The following SVOP variants were observed in gnomAD, a reference collection of about 807,000 sequenced individuals.
SVOP encodes the protein SV2 related protein, also known as synaptic vesicle 2-related protein.
SVOP carries 17 observed loss-of-function variants against 69.1 expected under a neutral mutation model. The ratio of observed to expected loss-of-function variants is 0.25; its 90% CI spans 0.17 to 0.37. SVOP has a LOEUF of 0.37. SVOP is among the 10% of genes least tolerant of loss of function. The probability of loss-of-function intolerance (pLI) is 1.00; values close to 1 mark genes in which losing one functional copy is unlikely to be tolerated. For synonymous variants in SVOP, 238 were observed against 238.6 expected (o/e 1.00, Z 0.02); for missense variants, 435 against 597.5 (o/e 0.73, Z 2.84).
rs574945111 is a variant in SVOP at position 108,925,759 on chromosome 12, C to T, written c.1049-2962G>A. ...ATGCACCTGCCTCAGGATCTTTGCA[C>T]TGGCTGATCTCTCTTCCTGAATTGC... On this transcript the variant is annotated intron_variant, in intron 11 of 15. Coordinates refer to ENST00000610966, the MANE Select transcript of SVOP (RefSeq NM_018711.5). Among the ~76,000 whole-genome samples, 4 of 152,236 alleles carry T rather than the reference C, an allele frequency of 2.6e-5. No individual in the cohort carries two copies. In the East Asian group the frequency reaches 5.8e-4, roughly 22 times the overall value.
At chr12:108,988,320 G>T (rs1566063504) in intron 1 of SVOP, among the ~76,000 whole-genome samples, 1 of 152,148 alleles carries the variant, frequency 6.6e-6, no homozygotes, top group African/African-American at 2.4e-5. Context: ...GCCAAGTCCA[G>T]ATCATAAGGC....
At chr12:108,974,194 A>G (rs1472889068) in intron 4 of SVOP, among the ~76,000 whole-genome samples, 1 of 152,240 alleles carries the variant, frequency 6.6e-6, no homozygotes, top group Non-Finnish European at 1.5e-5. Flanking sequence ...AAATAGGAAC[A>G]GACCTGGTGC....
At chr12:108,937,805 C>A (rs1007214854) in intron 9 of SVOP, among the ~76,000 whole-genome samples, 2 of 152,222 alleles carry the variant, frequency 1.3e-5, no homozygotes, top group Non-Finnish European at 2.9e-5. Context: ...GACCGATTGG[C>A]CAATTTTACA....
At position 108,927,924 on chromosome 12, in the gene SVOP, G is replaced by T. The variant is rs75128117; in HGVS notation, c.1049-5127C>A. On this transcript the variant is annotated intron_variant, in intron 11 of 15. Transcript: ENST00000610966. ...AAAAAACTCTTTTTTTTTTTTTTTTGAGAGAGAGTCTCATACCATCGCCCA... is the reference window on the plus strand; with the variant it reads ...AAAAAACTCTTTTTTTTTTTTTTTTTAGAGAGAGTCTCATACCATCGCCCA... 1.8e-3 allele frequency among the ~76,000 whole-genome samples: 190 copies of T among 106,644 alleles called. 1 individual carries two copies. Among genetic ancestry groups the T allele is most frequent in the African/African-American group, 4.9e-3 (142 of 29,256 alleles). The allele number at this position is 106,644 out of a possible 152,430, so 70.0% of individuals were successfully genotyped here. A position where few individuals can be genotyped will look rare whatever the true frequency, so the allele number is the denominator to read the frequency against.
In SVOP at chr12:108,967,046, C is replaced by T. The variant is rs190112787; in HGVS notation, c.453+5359G>A. The stretch of plus-strand genomic sequence containing the variant: ...CATGGGAGAGACTATTATTATCCCA[C>T]CTACAGATGAGAAAACTGAGACACA... On this transcript the variant is annotated intron_variant, in intron 5 of 15. Transcript: ENST00000610966. 5.3e-5 allele frequency among the ~76,000 whole-genome samples: 8 copies of T among 152,218 alleles called. No homozygotes were observed. The East Asian group carries it at 9.7e-4, about 18-fold the overall frequency.
intron 7 of SVOP, 73 bp downstream of exon 7, chr12:108,945,030 G>A: frequency 7.3e-7 from 1 of 1,378,982 alleles, no homozygotes; most frequent in Non-Finnish European, 9.9e-7. Flanking sequence ...TCCTTGACCT[G>A]TGGTTCAAGA....
At chr12:108,937,652 G>A (rs909894917) in intron 9 of SVOP, among the ~76,000 whole-genome samples, 1 of 152,022 alleles carries the variant, frequency 6.6e-6, no homozygotes, top group African/African-American at 2.4e-5. Flanking sequence ...GACACAGCAA[G>A]CAGAAAACCA....
chr12:108,993,508 C>T (rs1004549450), intron 1 of SVOP, among the ~76,000 whole-genome samples: 10 of 152,152 alleles, frequency 6.6e-5, no homozygotes, highest in African/African-American at 2.2e-4. Flanking sequence ...GCTGGGATCA[C>T]TAAGGTCATC....
In SVOP at chr12:108,922,781, C is replaced by T. The variant is rs1566047909; in HGVS notation, c.1065G>A (p.Lys355=). The T allele has an allele frequency of 6.2e-7, 1 of 1,607,658 alleles. No individual in the cohort carries two copies. Among genetic ancestry groups the T allele is most frequent in the African/African-American group, 1.3e-5 (1 of 74,938 alleles). Residue 355 remains lysine, a synonymous_variant, in exon 12 of 16, where the codon AAG becomes AAA. Coordinates refer to ENST00000610966, the MANE Select transcript of SVOP (RefSeq NM_018711.5). ...GDVCGISSRK[K]AVEAKCSLAC... ...CCAGGCTGCATTTTGCCTCTACAGC[C>T]TTCTTCCGACTGGAGACTGGGGTTG...
At chr12:108,972,664 C>A (rs2040086152) in intron 4 of SVOP, among the ~76,000 whole-genome samples, 188 bp from the exon 5 acceptor site, 1 of 152,234 alleles carries the variant, frequency 6.6e-6, no homozygotes, top group Admixed American at 6.5e-5. Context: ...GGGGAGGGTG[C>A]TATTATTATT....
At chr12:109,020,762 C>G (rs1032127928) in intron 1 of SVOP, 72 bp downstream of exon 1, 1 of 379,824 alleles carries the variant, frequency 2.6e-6, no homozygotes, top group Non-Finnish European at 5.2e-6. Context: ...GTACCCCCCC[C>G]CACCCCCCTT....
At chr12:109,008,652 T>C (rs1399516887) in intron 1 of SVOP, among the ~76,000 whole-genome samples, 1 of 152,080 alleles carries the variant, frequency 6.6e-6, no homozygotes, top group African/African-American at 2.4e-5. Flanking sequence ...CTAAGCACAT[T>C]ATAAGCATCA....
chr12:108,980,689 G>T (rs2040130887), intron 2 of SVOP, among the ~76,000 whole-genome samples: 1 of 123,382 alleles, frequency 8.1e-6, no homozygotes, highest in Non-Finnish European at 1.7e-5. Context: ...AGCGGAGCTT[G>T]CAGTGAGCCG....
intron 12 of SVOP, among the ~76,000 whole-genome samples, chr12:108,922,428 T>C (rs960536548): frequency 6.6e-6 from 1 of 152,154 alleles, no homozygotes; most frequent in Non-Finnish European, 1.5e-5. Context: ...GCTATAATAG[T>C]CTTTTGTCTC....
chr12:108,964,113 G>A (rs1391451059), intron 5 of SVOP, among the ~76,000 whole-genome samples: 1 of 152,100 alleles, frequency 6.6e-6, no homozygotes, highest in East Asian at 1.9e-4. Flanking sequence ...CCAGCACTTT[G>A]AGAGCTCGAG....
rs2137379867 is a variant in SVOP at position 108,909,559 on chromosome 12, C to T, written c.*2976G>A. The T allele has an allele frequency of 6.6e-6, 1 of 151,900 alleles. No individual in the cohort carries two copies. Among genetic ancestry groups the T allele is most frequent in the East Asian group, 1.9e-4 (1 of 5,168 alleles). The allele number at this position is 151,900 out of a possible 1,614,324, so 9.4% of individuals were successfully genotyped here. The stretch of plus-strand genomic sequence containing the variant: ...TCTTGATCTTATCATTCAAGGCTTT[C>T]TGTTGCTCAATGTTATATTAAAAAC... On this transcript the variant is annotated 3_prime_UTR_variant, in exon 16 of 16. Coordinates refer to ENST00000610966, the MANE Select transcript of SVOP (RefSeq NM_018711.5).
chr12:108,981,833 A>G (rs1407366955), intron 2 of SVOP, among the ~76,000 whole-genome samples: 3 of 152,130 alleles, frequency 2.0e-5, no homozygotes, highest in African/African-American at 7.2e-5. Context: ...TCACACTATC[A>G]TCATAACCAA....
intron 13 of SVOP, among the ~76,000 whole-genome samples, chr12:108,918,551 C>A (rs1211128106): frequency 6.6e-6 from 1 of 152,166 alleles, no homozygotes; most frequent in African/African-American, 2.4e-5. Context: ...TCCCAGAACA[C>A]TAACATTTCA....
chr12:108,954,592 C>T (rs369997764), intron 6 of SVOP, among the ~76,000 whole-genome samples: 17 of 152,284 alleles, frequency 1.1e-4, no homozygotes, highest in African/African-American at 3.6e-4. Context: ...TAGTCCCGCC[C>T]CTTTGCTGTT....
Sources: allele counts gnomAD v4.1 joint callset (sites outside exome capture counted in the v4.1 genomes callset), GRCh38; gene constraint gnomAD v4.1.1; transcripts MANE v1.5; gene names NCBI Gene and HGNC (gene_info 2026-07-23, HGNC 2026-07-21).